The following NINL variants were observed in gnomAD, a reference collection of about 807,000 sequenced individuals.
The protein encoded by NINL is ninein like, also known as ninein-like protein.
A neutral mutation model predicts 160.3 loss-of-function variants in NINL; 153 were observed. That is an observed-to-expected ratio of 0.95 (90% confidence interval 0.84 to 1.09). NINL has a LOEUF of 1.09. Ranked by LOEUF, NINL falls within the 50% of genes least tolerant of loss-of-function variation. The pLI, the probability that NINL is intolerant of heterozygous loss-of-function variation, is 0.00. For synonymous variants in NINL, 800 were observed against 734.8 expected (o/e 1.09, Z -1.43); for missense variants, 1,829 against 1,764.0 (o/e 1.04, Z -0.66).
At chr20:25,514,151 T>G (rs442728) in intron 3 of NINL, among the ~76,000 whole-genome samples, 4,131 of 152,266 alleles carry the variant, frequency 0.027, 181 homozygotes, top group African/African-American at 0.091. Context: ...AATAGTGATA[T>G]GGACAATGAA....
intron 2 of NINL, among the ~76,000 whole-genome samples, chr20:25,520,677 G>C (rs1444786667): frequency 6.6e-6 from 1 of 152,150 alleles, no homozygotes; most frequent in African/African-American, 2.4e-5. Flanking sequence ...AATTCAGGTT[G>C]ACAGTTATTT....
chr20:25,494,498 T>G (rs1412676422), intron 10 of NINL, among the ~76,000 whole-genome samples: 1 of 152,092 alleles, frequency 6.6e-6, no homozygotes, highest in Non-Finnish European at 1.5e-5. Flanking sequence ...ACAGGCCCCA[T>G]GCACTCACAC....
intron 1 of NINL, among the ~76,000 whole-genome samples, chr20:25,558,351 AC>A (rs149349967): frequency 0.012 from 1,837 of 152,124 alleles, 30 homozygotes; most frequent in African/African-American, 0.039. Context: ...GGGAGGACAC[AC>A]ACCCACCACC....
chr20:25,461,236 G>A lies in NINL; in HGVS notation c.3696+286C>T, dbSNP rs544931015. 1.4e-4 allele frequency among the ~76,000 whole-genome samples: 21 copies of A among 152,358 alleles called. No individual in the cohort carries two copies. The South Asian group carries it at 4.1e-3, about 30-fold the overall frequency. ...TTCTGACGACACAGTCCCCAGGCTT[G>A]CCTCTGGCTCCTCCATTCTGTGGAG... On this transcript the variant is annotated intron_variant, in intron 21 of 23. Transcript: ENST00000278886.
intron 1 of NINL, among the ~76,000 whole-genome samples, chr20:25,536,794 G>C (rs2064564414): frequency 6.6e-6 from 1 of 151,618 alleles, no homozygotes; most frequent in Non-Finnish European, 1.5e-5. Flanking sequence ...AAGAGTAGAA[G>C]TGTAATCATG....
In NINL at chr20:25,489,245, C is replaced by T. The variant is rs139776692; in HGVS notation, c.1676G>A (p.Arg559Gln). The change falls in exon 13 of 24, where the codon CGG becomes CAG. Residue 559 changes from arginine (R) to glutamine (Q), a missense_variant and splice_region_variant. Physicochemically the swap from Arg to Gln is conservative, Grantham distance 43. Transcript: ENST00000278886. ...AAGGCAGACAGAGCAGGCACGTACC[C>T]GGCACTTGAGCTCGTATTCCTTCAG... Reference protein sequence around the residue: ...AVLKEYELKCRDLQDRNDELQ... With the variant: ...AVLKEYELKCQDLQDRNDELQ... 24 of 1,613,956 alleles carry T rather than the reference C, an allele frequency of 1.5e-5. No homozygotes were observed. Among genetic ancestry groups the T allele is most frequent in the African/African-American group, 5.3e-5 (4 of 74,916 alleles).
intron 7 of NINL, among the ~76,000 whole-genome samples, chr20:25,502,115 G>T (rs1018324388): frequency 1.3e-5 from 2 of 152,158 alleles, no homozygotes; most frequent in African/African-American, 2.4e-5. Context: ...CTGAGTAGCT[G>T]GGATTACACA....
chr20:25,537,780 G>T (rs1187213556), intron 1 of NINL, among the ~76,000 whole-genome samples: 2 of 152,170 alleles, frequency 1.3e-5, no homozygotes, highest in African/African-American at 4.8e-5. Flanking sequence ...ATTGTGGGGG[G>T]CGCAGCTGCC....
chr20:25,569,094 G>A (rs1403577421), intron 1 of NINL, among the ~76,000 whole-genome samples: 2 of 151,904 alleles, frequency 1.3e-5, no homozygotes, highest in Non-Finnish European at 2.9e-5. Context: ...CGGGCATGGT[G>A]ATGCATGCCT....
At chr20:25,514,906 G>A (rs1406459664) in intron 3 of NINL, among the ~76,000 whole-genome samples, 2 of 152,236 alleles carry the variant, frequency 1.3e-5, no homozygotes, top group Non-Finnish European at 2.9e-5. Flanking sequence ...TTAGATTTCA[G>A]AGGATATATG....
rs370544823 is a variant in NINL at position 25,521,154 on chromosome 20, C to T, written c.181-3305G>A. 2.4e-4 allele frequency among the ~76,000 whole-genome samples: 37 copies of T among 152,320 alleles called. No individual in the cohort carries two copies. The South Asian group carries it at 5.0e-3, about 20-fold the overall frequency. ...CCATCTGTACCACCTCTTTTTATAT[C>T]TTCATGCTGCATTCTGGATGACTCC... On this transcript the variant is annotated intron_variant, in intron 2 of 23. Coordinates refer to ENST00000278886, the MANE Select transcript of NINL (RefSeq NM_025176.6).
At chr20:25,556,741 A>G (rs2064871676) in intron 1 of NINL, among the ~76,000 whole-genome samples, 1 of 152,180 alleles carries the variant, frequency 6.6e-6, no homozygotes, top group Non-Finnish European at 1.5e-5. Context: ...CAGGAGATCG[A>G]GGCTGCAGGG....
chr20:25,534,354 C>T (rs1349904252), intron 1 of NINL, among the ~76,000 whole-genome samples: 1 of 152,198 alleles, frequency 6.6e-6, no homozygotes, highest in African/African-American at 2.4e-5. Flanking sequence ...CAGACAGTTG[C>T]CGCTCACTTG....
intron 13 of NINL, among the ~76,000 whole-genome samples, chr20:25,484,844 G>A (rs1487641679): frequency 6.6e-6 from 1 of 152,336 alleles, no homozygotes; most frequent in East Asian, 1.9e-4. Flanking sequence ...GTCTTAAAGT[G>A]TCTTTCCACT....
chr20:25,548,279 G>C lies in NINL; in HGVS notation c.-11-21681C>G, dbSNP rs188710529. On this transcript the variant is annotated intron_variant, in intron 1 of 23. Transcript: ENST00000278886. The stretch of plus-strand genomic sequence containing the variant: ...ATGAGGAAGCCAAACCTGATCCCAG[G>C]CACCTTTGTGCTCCAAAATTCTCAT... Among the ~76,000 whole-genome samples, 360 of 152,290 alleles carry C rather than the reference G, an allele frequency of 2.4e-3. 1 individual carries two copies. Among genetic ancestry groups the C allele is most frequent in the African/African-American group, 8.5e-3 (353 of 41,550 alleles).
At chr20:25,544,218 G>T (rs1032073792) in intron 1 of NINL, among the ~76,000 whole-genome samples, 1 of 151,722 alleles carries the variant, frequency 6.6e-6, no homozygotes, top group African/African-American at 2.4e-5. Context: ...GGAAAACAGT[G>T]ACGATGAGTG....
chr20:25,523,243 T>G (rs2064295833), intron 2 of NINL, among the ~76,000 whole-genome samples: 1 of 151,742 alleles, frequency 6.6e-6, no homozygotes, highest in Admixed American at 6.6e-5. Flanking sequence ...AGAATATATA[T>G]ATATGAGAGA....
At chr20:25,577,841 T>C (rs1204556490) in intron 1 of NINL, among the ~76,000 whole-genome samples, 12 of 151,744 alleles carry the variant, frequency 7.9e-5, no homozygotes, top group South Asian at 4.2e-4. Flanking sequence ...TTTTCTTTTT[T>C]TTTTTTTTGA....
chr20:25,486,185 T>C (rs2063499998), intron 13 of NINL, among the ~76,000 whole-genome samples: 1 of 152,248 alleles, frequency 6.6e-6, no homozygotes, highest in Non-Finnish European at 1.5e-5. Flanking sequence ...CTATGAAAGT[T>C]TGAAATTGTT....
Sources: allele counts gnomAD v4.1 joint callset (sites outside exome capture counted in the v4.1 genomes callset), GRCh38; gene constraint gnomAD v4.1.1; transcripts MANE v1.5; gene names NCBI Gene and HGNC (gene_info 2026-07-23, HGNC 2026-07-21).